Variants in BRINP3 observed in about 807,000 individuals in gnomAD.
BRINP3 encodes BMP/retinoic acid-inducible neural-specific protein 3.
In BRINP3, 19 loss-of-function variants were observed where a neutral mutation model predicts 71.0. That is an observed-to-expected ratio of 0.27 (90% CI 0.19 to 0.39). The LOEUF is 0.39. Ranked by LOEUF, BRINP3 falls within the 10% of genes least tolerant of loss-of-function variation. The pLI is 1.00. For missense variants in BRINP3, 959 were observed against 940.8 expected (o/e 1.02, Z -0.25); for synonymous variants, 380 against 337.7 (o/e 1.13, Z -1.37).
intron 2 of BRINP3, among the ~76,000 whole-genome samples, chr1:190,306,704 AG>A (rs1325625186): frequency 1.3e-5 from 2 of 151,768 alleles, no homozygotes; most frequent in Admixed American, 1.3e-4. Context: ...CAACTATTTT[AG>A]CACAGATAAT....
chr1:190,112,760 T>C (rs1652800057), intron 7 of BRINP3, among the ~76,000 whole-genome samples: 1 of 152,140 alleles, frequency 6.6e-6, no homozygotes, highest in African/African-American at 2.4e-5. Flanking sequence ...GCTCAGCATT[T>C]CCCTAGTCCT....
chr1:190,371,939 A>T (rs1669895202), intron 2 of BRINP3, among the ~76,000 whole-genome samples: 1 of 152,142 alleles, frequency 6.6e-6, no homozygotes, highest in Non-Finnish European at 1.5e-5. Context: ...CGGTGACATA[A>T]GCTTCAGGGG....
intron 2 of BRINP3, among the ~76,000 whole-genome samples, chr1:190,421,125 C>T (rs780269579): frequency 2.6e-5 from 4 of 151,520 alleles, no homozygotes; most frequent in Non-Finnish European, 4.4e-5. Context: ...AAAAATGATT[C>T]CTGTTATAAT....
At chr1:190,377,697 C>G (rs1670272185) in intron 2 of BRINP3, among the ~76,000 whole-genome samples, 1 of 151,094 alleles carries the variant, frequency 6.6e-6, no homozygotes, top group Non-Finnish European at 1.5e-5. Flanking sequence ...GTGAAGGACT[C>G]AAAATCAACC....
At position 190,454,919 on chromosome 1, in the gene BRINP3, T is replaced by A. The variant is rs780969425; in HGVS notation, c.-29A>T. On this transcript the variant is annotated 5_prime_UTR_variant, in exon 2 of 8. Transcript: ENST00000367462. ...TCCACTGGGGATTTAGAGCCTTCAT[T>A]CTCTCAGCTTTCCCTCAACACCTAG... 2.5e-6 allele frequency: 4 copies of A among 1,577,540 alleles called. No homozygotes were observed. Among genetic ancestry groups the A allele is most frequent in the Middle Eastern group, 1.7e-4 (1 of 5,992 alleles).
chr1:190,148,157 CTT>C (rs1571840054), intron 7 of BRINP3, among the ~76,000 whole-genome samples: 1 of 152,080 alleles, frequency 6.6e-6, no homozygotes, highest in East Asian at 1.9e-4. Flanking sequence ...GGTGCTGAGT[CTT>C]TTTTCATCCA....
intron 6 of BRINP3, among the ~76,000 whole-genome samples, chr1:190,212,099 T>G (rs1398723076): frequency 6.6e-6 from 1 of 152,120 alleles, no homozygotes; most frequent in African/African-American, 2.4e-5. Context: ...TACAAAAAGT[T>G]TGTTTTATTT....
chr1:190,297,539 G>A (rs1664342614), intron 2 of BRINP3, among the ~76,000 whole-genome samples: 1 of 152,068 alleles, frequency 6.6e-6, no homozygotes, highest in Non-Finnish European at 1.5e-5. Flanking sequence ...TTATGAAGTT[G>A]AGGAATTTTT....
intron 6 of BRINP3, among the ~76,000 whole-genome samples, chr1:190,218,631 C>T (rs1214381045): frequency 6.6e-6 from 1 of 151,922 alleles, no homozygotes; most frequent in African/African-American, 2.4e-5. Context: ...TTGAAACATA[C>T]ATTTTATTAA....
rs1172176399 is a variant in BRINP3, at chr1:190,218,088, A to G, written c.961+7994T>C. Reference sequence around the variant, plus strand: ...AATACAGAAAAATATAAATATTGTAAGTGTATAACTCAGAATTTTCAAAAA... The same window carrying G: ...AATACAGAAAAATATAAATATTGTAGGTGTATAACTCAGAATTTTCAAAAA... On this transcript the variant is annotated intron_variant, in intron 6 of 7. Coordinates refer to ENST00000367462, the MANE Select transcript of BRINP3 (RefSeq NM_199051.3). 5.9e-5 allele frequency among the ~76,000 whole-genome samples: 9 copies of G among 151,840 alleles called. No homozygotes were observed. In the Admixed American group the frequency reaches 5.9e-4, roughly 10 times the overall value.
intron 2 of BRINP3, among the ~76,000 whole-genome samples, chr1:190,378,541 A>G (rs1670324101): frequency 6.6e-6 from 1 of 152,234 alleles, no homozygotes; most frequent in Admixed American, 6.5e-5. Flanking sequence ...ATTCGTTTTC[A>G]GACCAGAATA....
intron 4 of BRINP3, among the ~76,000 whole-genome samples, chr1:190,258,490 T>TG (rs139345897): frequency 0.024 from 3,660 of 151,146 alleles, 75 homozygotes; most frequent in South Asian, 0.1. Context: ...TCAACGAAGT[T>TG]GAAAAAAAAG....
At chr1:190,168,306 CCCTGAATCATT>C (rs923812241) in intron 6 of BRINP3, among the ~76,000 whole-genome samples, 8 of 152,220 alleles carry the variant, frequency 5.3e-5, no homozygotes, top group Admixed American at 1.3e-4. Context: ...AAATTCTCAG[CCCTGAATCATT>C]CCTGAATCAT....
chr1:190,302,774 A>T (rs1028911189), intron 2 of BRINP3: 2 of 151,914 alleles, frequency 1.3e-5, no homozygotes, highest in Non-Finnish European at 2.9e-5. Flanking sequence ...GTTCCTCTAC[A>T]TTAAGAATAA....
chr1:190,425,578 T>C (rs957024400), intron 2 of BRINP3, among the ~76,000 whole-genome samples: 8 of 151,766 alleles, frequency 5.3e-5, no homozygotes, highest in Non-Finnish European at 1.2e-4. Flanking sequence ...CTACTATGGG[T>C]CTGTATCAAC....
chr1:190,460,562 A>T (rs1048383690), intron 1 of BRINP3, among the ~76,000 whole-genome samples: 1 of 152,182 alleles, frequency 6.6e-6, no homozygotes, highest in East Asian at 1.9e-4. Context: ...GATCAATTGC[A>T]ATGTGCAAAA....
At chr1:190,218,733 C>T (rs985429880) in intron 6 of BRINP3, among the ~76,000 whole-genome samples, 1 of 112,914 alleles carries the variant, frequency 8.9e-6, no homozygotes, top group Non-Finnish European at 1.7e-5. Flanking sequence ...CTCATACCTC[C>T]CCCCACCCTC....
intron 2 of BRINP3, among the ~76,000 whole-genome samples, chr1:190,322,093 T>G (rs552788245): frequency 7.9e-5 from 12 of 152,174 alleles, no homozygotes; most frequent in Non-Finnish European, 1.2e-4. Flanking sequence ...GAAATAATAG[T>G]ATTTTAAATG....
intron 2 of BRINP3, among the ~76,000 whole-genome samples, chr1:190,305,202 A>C (rs1460152611): frequency 6.6e-6 from 1 of 151,934 alleles, no homozygotes; most frequent in Non-Finnish European, 1.5e-5. Context: ...GAGGTTCCTC[A>C]AAAAATTAAA....
Sources: allele counts gnomAD v4.1 joint callset (sites outside exome capture counted in the v4.1 genomes callset), GRCh38; gene constraint gnomAD v4.1.1; transcripts MANE v1.5; gene names NCBI Gene and HGNC (gene_info 2026-07-23, HGNC 2026-07-21).